Variants in TTC17 observed in about 807,000 individuals in gnomAD.
TTC17 encodes the protein tetratricopeptide repeat domain 17.
In TTC17, 58 loss-of-function variants were observed where a neutral mutation model predicts 143.8. The ratio of observed to expected loss-of-function variants is 0.40; its 90% confidence interval spans 0.33 to 0.50. TTC17 has a LOEUF of 0.50. Among genes scored for constraint, TTC17 ranks in the 20% least tolerant of loss-of-function variants. TTC17 has a pLI of 0.49. For synonymous variants in TTC17, 501 were observed against 497.8 expected (o/e 1.01, Z -0.09); for missense variants, 1,273 against 1,392.5 (o/e 0.91, Z 1.37).
chr11:43,391,746 C>T, intron 4 of TTC17, 75 bp from the exon 5 acceptor site: 2 of 1,523,720 alleles, frequency 1.3e-6, no homozygotes, highest in Non-Finnish European at 1.8e-6. Flanking sequence ...TCAAAATAAA[C>T]ACTACAAGAT....
chr11:43,447,893 C>T, intron 18 of TTC17, 109 bp from the exon 19 acceptor site: 4 of 1,375,166 alleles, frequency 2.9e-6, no homozygotes, highest in Non-Finnish European at 4.0e-6. Context: ...ACAGGAATGA[C>T]TAGCACCTCC....
At chr11:43,456,213 C>CACACA (rs779853572) in intron 21 of TTC17, among the ~76,000 whole-genome samples, 1 of 150,678 alleles carries the variant, frequency 6.6e-6, no homozygotes. Context: ...CACACACACA[C>CACACA]CACTTAGCAG....
chr11:43,476,439 G>A (rs906429850), intron 21 of TTC17, among the ~76,000 whole-genome samples: 14 of 152,326 alleles, frequency 9.2e-5, no homozygotes, highest in East Asian at 3.9e-4. Context: ...GTATTCGTTC[G>A]TTTTCTTGCT....
intron 16 of TTC17, among the ~76,000 whole-genome samples, chr11:43,417,295 A>G (rs1946799833): frequency 6.6e-6 from 1 of 152,218 alleles, no homozygotes; most frequent in African/African-American, 2.4e-5. Context: ...TGATTAAAAA[A>G]AAAGGAAAAA....
At chr11:43,487,226 A>G (rs921938953) in intron 21 of TTC17, among the ~76,000 whole-genome samples, 11 of 151,730 alleles carry the variant, frequency 7.2e-5, no homozygotes, top group African/African-American at 2.4e-4. Context: ...GTTCTCTGCA[A>G]CCTCCTCCTC....
chr11:43,407,694 T>C (rs1407374788), intron 15 of TTC17, 117 bp downstream of exon 15: 9 of 970,508 alleles, frequency 9.3e-6, no homozygotes, highest in Non-Finnish European at 1.3e-5. Flanking sequence ...TCTTTCACAG[T>C]AGCGTTTGCA....
intron 1 of TTC17, 74 bp downstream of exon 1, chr11:43,359,187 T>A: frequency 6.9e-7 from 1 of 1,447,336 alleles, no homozygotes; most frequent in Non-Finnish European, 9.1e-7. Flanking sequence ...GGCCCCTGGC[T>A]GTTGGGCTCC....
chr11:43,448,724 C>T (rs948968668), intron 19 of TTC17: 3 of 152,256 alleles, frequency 2.0e-5, no homozygotes, highest in African/African-American at 7.2e-5. Flanking sequence ...ATGCGTTCAA[C>T]TCATTTGTCT....
At chr11:43,485,678 A>G (rs1297860492) in intron 21 of TTC17, among the ~76,000 whole-genome samples, 1 of 152,152 alleles carries the variant, frequency 6.6e-6, no homozygotes, top group Admixed American at 6.5e-5. Flanking sequence ...GATATGTGTG[A>G]TGAATAAATA....
intron 21 of TTC17, chr11:43,466,871 C>G: frequency 4.1e-6 from 1 of 244,148 alleles, no homozygotes; most frequent in Non-Finnish European, 8.2e-6. Flanking sequence ...GCAGACAACT[C>G]TGATAAATTT....
intron 5 of TTC17, among the ~76,000 whole-genome samples, chr11:43,394,076 T>G (rs1450448284): frequency 6.6e-6 from 1 of 152,344 alleles, no homozygotes; most frequent in African/African-American, 2.4e-5. Flanking sequence ...TGACTTCATT[T>G]AGCCTTTATC....
chr11:43,441,605 C>A (rs1383355728), intron 16 of TTC17, among the ~76,000 whole-genome samples: 5 of 152,042 alleles, frequency 3.3e-5, no homozygotes, highest in African/African-American at 1.2e-4. Context: ...TCAGAGCACA[C>A]TTATAATCTA....
chr11:43,487,113 A>G (rs1243184380), intron 21 of TTC17, among the ~76,000 whole-genome samples: 3 of 152,144 alleles, frequency 2.0e-5, no homozygotes, highest in Admixed American at 6.6e-5. Context: ...TGTGTCAGAT[A>G]TTAGCATTAA....
chr11:43,376,667 G>C (rs771352659), intron 1 of TTC17, among the ~76,000 whole-genome samples: 1 of 152,078 alleles, frequency 6.6e-6, no homozygotes, highest in Non-Finnish European at 1.5e-5. Flanking sequence ...TCTTTTACAC[G>C]TTGTATATGA....
At chr11:43,409,807 T>C (rs189182027) in intron 15 of TTC17, among the ~76,000 whole-genome samples, 165 of 152,250 alleles carry the variant, frequency 1.1e-3, no homozygotes, top group Middle Eastern at 3.4e-3. Context: ...AAGTTTTATC[T>C]TGTGGTTGTT....
At chr11:43,408,110 T>G (rs1445344127) in intron 15 of TTC17, among the ~76,000 whole-genome samples, 1 of 152,184 alleles carries the variant, frequency 6.6e-6, no homozygotes, top group East Asian at 1.9e-4. Flanking sequence ...ACAACTTTGG[T>G]TTTTCATATT....
chr11:43,446,430 G>A (rs781348219), intron 18 of TTC17: 98 of 234,670 alleles, frequency 4.2e-4, no homozygotes, highest in Middle Eastern at 2.2e-3. Context: ...AGAGCAGGCC[G>A]TCTTAATTAT....
chr11:43,406,340 T>A (rs188216385), intron 13 of TTC17, among the ~76,000 whole-genome samples: 2 of 152,176 alleles, frequency 1.3e-5, no homozygotes, highest in Non-Finnish European at 2.9e-5. Context: ...CTCTCTGGCC[T>A]TATCAACCCT....
In TTC17 at chr11:43,424,645, C is replaced by T. The variant is rs552678053; in HGVS notation, c.2251+9869C>T. On this transcript the variant is annotated intron_variant, in intron 16 of 23. Coordinates refer to ENST00000039989, the MANE Select transcript of TTC17 (RefSeq NM_018259.6). ...ATCAGCTGGGTGTGGTGGTGCATGC[C>T]TGTAATCCCAGCTACTGGGAAGGCT... is the stretch of plus-strand genomic sequence containing the variant. Among the ~76,000 whole-genome samples the T allele has an allele frequency of 2.0e-5, 3 of 152,094 alleles. No individual in the cohort carries two copies. The South Asian group carries it at 6.2e-4, about 32-fold the overall frequency.
Sources: allele counts gnomAD v4.1 joint callset (sites outside exome capture counted in the v4.1 genomes callset), GRCh38; gene constraint gnomAD v4.1.1; transcripts MANE v1.5; gene names NCBI Gene and HGNC (gene_info 2026-07-23, HGNC 2026-07-21).